The following WNT7B variants were observed in gnomAD, a reference collection of about 807,000 sequenced individuals.
WNT7B encodes the protein Wnt family member 7B.
In WNT7B, 19 loss-of-function variants were observed where a neutral mutation model predicts 38.2. The ratio of observed to expected loss-of-function variants is 0.50; its 90% confidence interval spans 0.35 to 0.73. The LOEUF (loss-of-function observed/expected upper bound fraction) is 0.73, where lower values mean the gene tolerates loss of function less well. WNT7B is among the 30% of genes least tolerant of loss of function. The pLI is 0.01. For synonymous variants in WNT7B, 243 were observed against 209.3 expected (o/e 1.16, Z -1.39); for missense variants, 423 against 507.9 (o/e 0.83, Z 1.61).
Position 45,975,790 on chromosome 22 carries a change from G to T in WNT7B, c.71+894C>A, listed in dbSNP as rs1932538008. ...TCCCCGCAGGTGCGAGGAGCGCGGGGCCAGCAGCGGGCGGTGGGCGCCCCA... is the reference window on the plus strand; with the variant it reads ...TCCCCGCAGGTGCGAGGAGCGCGGGTCCAGCAGCGGGCGGTGGGCGCCCCA... On this transcript the variant is annotated intron_variant, in intron 1 of 3. Transcript: ENST00000339464. This position sits in a 1 kb window ranked among gnomAD's most constrained non-coding sequence, Gnocchi z 6.6. 4.8e-5 allele frequency: 16 copies of T among 330,480 alleles called. 1 individual carries two copies. In the East Asian group the frequency reaches 7.6e-4, roughly 16 times the overall value. 20.5% of individuals were successfully genotyped at this position (330,480 alleles called of 1,614,324 possible).
At chr22:45,929,394 A>T (rs571698379) in intron 3 of WNT7B, among the ~76,000 whole-genome samples, 1 of 144,716 alleles carries the variant, frequency 6.9e-6, no homozygotes, top group African/African-American at 2.6e-5. Flanking sequence ...TCACCCATCC[A>T]TCCTTCCATC....
chr22:45,928,782 G>T (rs1016650840), intron 3 of WNT7B, among the ~76,000 whole-genome samples: 3 of 152,132 alleles, frequency 2.0e-5, no homozygotes, highest in African/African-American at 7.2e-5. Flanking sequence ...ACTGCCCCAG[G>T]GCCCTGCAAT....
rs1283426252 is a variant in WNT7B at position 45,923,383 on chromosome 22, C to A, written c.571-48G>T. On this transcript the variant is annotated intron_variant, in intron 3 of 3. Coordinates refer to ENST00000339464, the MANE Select transcript of WNT7B (RefSeq NM_058238.3). Reference sequence around the variant, plus strand: ...TCGGCACGGCATGGCCCAAGCTGGGCCCCTCTAGGTTCCCCTACCCCTGCC... The same window carrying A: ...TCGGCACGGCATGGCCCAAGCTGGGACCCTCTAGGTTCCCCTACCCCTGCC... 5 of 1,552,784 alleles carry A rather than the reference C, an allele frequency of 3.2e-6. No individual in the cohort carries two copies. In the African/African-American group the frequency reaches 6.8e-5, roughly 21 times the overall value.
At chr22:45,946,073 T>C (rs898078644) in intron 2 of WNT7B, among the ~76,000 whole-genome samples, 6 of 151,992 alleles carry the variant, frequency 3.9e-5, no homozygotes, top group African/African-American at 1.4e-4. Context: ...TCTAGGGGGA[T>C]GGGGGCGGCG....
At chr22:45,931,067 A>C (rs1601718878) in intron 3 of WNT7B, 31 bp downstream of exon 3, 4 of 1,536,340 alleles carry the variant, frequency 2.6e-6, no homozygotes, top group Non-Finnish European at 3.5e-6. Flanking sequence ...GGTCCCAGCT[A>C]CGGCCCCCAC....
At chr22:45,926,646 G>A (rs1601714140) in intron 3 of WNT7B, 1 of 985,386 alleles carries the variant, frequency 1.0e-6, no homozygotes, top group African/African-American at 1.7e-5. Context: ...TGTGGAATGA[G>A]GTGCCTCACA....
intron 2 of WNT7B, among the ~76,000 whole-genome samples, chr22:45,941,756 C>A (rs1931654674): frequency 6.6e-6 from 1 of 152,216 alleles, no homozygotes; most frequent in Non-Finnish European, 1.5e-5. Context: ...GGCCAACTCC[C>A]CATGGAACTG....
At chr22:45,928,033 C>G (rs566509721) in intron 3 of WNT7B, among the ~76,000 whole-genome samples, 1 of 152,306 alleles carries the variant, frequency 6.6e-6, no homozygotes, top group South Asian at 2.1e-4. Context: ...AGTCTCCTCC[C>G]CTGCTGCCTA....
Position 45,976,280 on chromosome 22 carries a change from C to T in WNT7B, c.71+404G>A, listed in dbSNP as rs868247850. Among the ~76,000 whole-genome samples, 1 of 147,776 alleles carries T rather than the reference C, an allele frequency of 6.8e-6. No homozygotes were observed. The highest frequency in any genetic ancestry group is 1.5e-5 in the Non-Finnish European group (1 of 66,388). On this transcript the variant is annotated intron_variant, in intron 1 of 3. Coordinates refer to ENST00000339464, the MANE Select transcript of WNT7B (RefSeq NM_058238.3). The surrounding 1 kb of genome is among the most constrained non-coding windows in gnomAD (Gnocchi z 8.5). ...GGCCTCCGCAGGCGCCGGACGCCCC[C>T]CGACCCCGCCCCGGCGCACCCTCCA...
chr22:45,956,750 G>T (rs903480295), intron 1 of WNT7B, among the ~76,000 whole-genome samples: 1 of 152,198 alleles, frequency 6.6e-6, no homozygotes, highest in South Asian at 2.1e-4. Flanking sequence ...AACACGGATG[G>T]GCCTCACAGA....
rs2146748993 is a variant in WNT7B at position 45,965,158 on chromosome 22, C to T, written c.71+11526G>A. Among the ~76,000 whole-genome samples the T allele has an allele frequency of 6.6e-6, 1 of 152,300 alleles. No individual in the cohort carries two copies. The highest frequency in any genetic ancestry group is 1.9e-4 in the East Asian group (1 of 5,182). On this transcript the variant is annotated intron_variant, in intron 1 of 3. Coordinates refer to ENST00000339464, the MANE Select transcript of WNT7B (RefSeq NM_058238.3). The surrounding 1 kb of genome is among the most constrained non-coding windows in gnomAD (Gnocchi z 6.5). The stretch of plus-strand genomic sequence containing the variant: ...TGCTGCCACATCCTCTTCACACCTC[C>T]AGGTCTTTGCCCACGTCTGTCCCTT...
At chr22:45,953,812 G>A (rs560812974) in intron 1 of WNT7B, among the ~76,000 whole-genome samples, 2 of 152,052 alleles carry the variant, frequency 1.3e-5, no homozygotes, top group Non-Finnish European at 2.9e-5. Flanking sequence ...ACACATTGAC[G>A]ATAGGAGCGG....
At chr22:45,960,474 C>G (rs916025187) in intron 1 of WNT7B, among the ~76,000 whole-genome samples, 1 of 152,148 alleles carries the variant, frequency 6.6e-6, no homozygotes, top group African/African-American at 2.4e-5. Context: ...ACCCCACCCC[C>G]CCAGCTGAGG....
intron 2 of WNT7B, among the ~76,000 whole-genome samples, chr22:45,942,710 G>A (rs1931680015): frequency 6.6e-6 from 1 of 152,250 alleles, no homozygotes; most frequent in African/African-American, 2.4e-5. Flanking sequence ...CTACGTGGAT[G>A]AGTTGAGGCA....
chr22:45,954,838 A>G (rs1932023424), intron 1 of WNT7B: 53 of 844,676 alleles, frequency 6.3e-5, no homozygotes, highest in South Asian at 3.3e-4. Context: ...GACCTCACCT[A>G]TGTATCATTT....
intron 1 of WNT7B, among the ~76,000 whole-genome samples, chr22:45,973,090 G>A (rs1409411525): frequency 1.3e-5 from 2 of 152,252 alleles, no homozygotes; most frequent in Non-Finnish European, 2.9e-5. Context: ...GGCCGCCAGT[G>A]GGAAGGCATC....
intron 1 of WNT7B, among the ~76,000 whole-genome samples, chr22:45,967,536 C>T (rs1932339511): frequency 6.6e-6 from 1 of 152,166 alleles, no homozygotes; most frequent in Non-Finnish European, 1.5e-5. Context: ...GGCCGATGGC[C>T]TAGACACCCA....
At position 45,931,397 on chromosome 22, in the gene WNT7B, G is replaced by A. The variant is rs1348124931; in HGVS notation, c.299-28C>T. ...GCGGGGACAGACAGGTGCAGAAGGT[G>A]AGACCCCAGGCCCTGGGCCAGGTGG... On this transcript the variant is annotated intron_variant, in intron 2 of 3. Transcript: ENST00000339464. 5 of 1,558,320 alleles carry A rather than the reference G, an allele frequency of 3.2e-6. No individual in the cohort carries two copies. The Admixed American group carries it at 7.0e-5, about 22-fold the overall frequency.
intron 2 of WNT7B, among the ~76,000 whole-genome samples, chr22:45,946,364 C>A (rs1263698269): frequency 6.6e-6 from 1 of 152,232 alleles, no homozygotes; most frequent in Non-Finnish European, 1.5e-5. Context: ...TTGCTGACAT[C>A]CCTGATTCGA....
Sources: gnomAD v4.1 joint callset for allele counts (sites outside exome capture counted in the v4.1 genomes callset) on GRCh38, gnomAD v4.1.1 for gene constraint, Gnocchi (gnomAD v3.1) non-coding constraint, MANE v1.5 for transcripts, NCBI Gene and HGNC (gene_info 2026-07-23, HGNC 2026-07-21) for gene names.